The following INPP4B variants were observed in gnomAD, a reference collection of about 807,000 sequenced individuals.
INPP4B encodes inositol polyphosphate-4-phosphatase type II B, also known as inositol polyphosphate 4-phosphatase type II.
In INPP4B, 55 loss-of-function variants were observed where a neutral mutation model predicts 122.5. The ratio of observed to expected loss-of-function variants is 0.45; its 90% CI spans 0.36 to 0.56. The LOEUF (loss-of-function observed/expected upper bound fraction) is 0.56, where lower values mean the gene tolerates loss of function less well. Ranked by LOEUF, INPP4B falls within the 20% of genes least tolerant of loss-of-function variation. INPP4B has a pLI of 0.00. For synonymous variants in INPP4B, 403 were observed against 388.7 expected, an observed-to-expected ratio of 1.04 and a Z score of -0.43; for missense variants, 1,000 against 1,097.7, an observed-to-expected ratio of 0.91 and a Z score of 1.26.
chr4:142,680,936 A>G (rs187912652), intron 2 of INPP4B, among the ~76,000 whole-genome samples: 452 of 152,012 alleles, frequency 3.0e-3, no homozygotes, highest in Non-Finnish European at 5.5e-3. Context: ...TAAGCCAGAC[A>G]CTTTTTACAG....
intron 11 of INPP4B, among the ~76,000 whole-genome samples, chr4:142,239,397 C>T (rs776748981): frequency 3.9e-5 from 6 of 152,086 alleles, no homozygotes; most frequent in Non-Finnish European, 8.8e-5. Flanking sequence ...AGAGAAAATA[C>T]TGCATTTTAA....
At chr4:142,598,598 C>T (rs1275624664) in intron 2 of INPP4B, among the ~76,000 whole-genome samples, 1 of 152,148 alleles carries the variant, frequency 6.6e-6, no homozygotes, top group African/African-American at 2.4e-5. Context: ...TACTATTCCT[C>T]ATGGAAATGA....
rs925583309 is a variant in INPP4B, at chr4:142,735,444, C to T, written c.-253-9543G>A. 2.0e-5 allele frequency among the ~76,000 whole-genome samples: 3 copies of T among 152,080 alleles called. No individual in the cohort carries two copies. In the South Asian group the frequency reaches 6.2e-4, roughly 32 times the overall value. ...ATCCTTCAGTACTGCCAAACAGAAA[C>T]CAGGCATTGTTCTAAGTTACTGTCT... On this transcript the variant is annotated intron_variant, in intron 1 of 25. Coordinates refer to ENST00000262992, the MANE Select transcript of INPP4B (RefSeq NM_001101669.3).
chr4:142,553,721 CCT>C (rs1405927513), intron 2 of INPP4B, among the ~76,000 whole-genome samples: 1 of 152,192 alleles, frequency 6.6e-6, no homozygotes, highest in African/African-American at 2.4e-5. Flanking sequence ...AGTCCTACTT[CCT>C]TACTCCCCAT....
intron 7 of INPP4B, among the ~76,000 whole-genome samples, chr4:142,364,837 C>G (rs768175049): frequency 3.9e-5 from 6 of 152,070 alleles, no homozygotes; most frequent in Non-Finnish European, 7.4e-5. Context: ...AACTAGTGAG[C>G]CCGGGAGGCA....
chr4:142,258,522 C>A (rs1313656184), intron 11 of INPP4B, among the ~76,000 whole-genome samples: 2 of 151,984 alleles, frequency 1.3e-5, no homozygotes, highest in East Asian at 1.9e-4. Context: ...CAACAAACAA[C>A]CCCATCAAAA....
chr4:142,434,093 G>T (rs2149391815), intron 3 of INPP4B, among the ~76,000 whole-genome samples: 1 of 152,234 alleles, frequency 6.6e-6, no homozygotes, highest in East Asian at 1.9e-4. Flanking sequence ...CATCTATAGA[G>T]ACCGAGACGT....
At chr4:142,159,224 A>G (rs868085091) in intron 17 of INPP4B, among the ~76,000 whole-genome samples, 2 of 151,138 alleles carry the variant, frequency 1.3e-5, no homozygotes, top group African/African-American at 4.9e-5. Context: ...AGAAAATTGA[A>G]CTTCAGAGGT....
At chr4:142,601,581 C>CAA (rs200657551) in intron 2 of INPP4B, among the ~76,000 whole-genome samples, 19 of 93,914 alleles carry the variant, frequency 2.0e-4, no homozygotes, top group African/African-American at 6.1e-4. Flanking sequence ...ACTCCTATGT[C>CAA]AAAAAAAAAA....
chr4:142,080,793 T>G (rs1213372742), intron 25 of INPP4B, among the ~76,000 whole-genome samples: 1 of 152,206 alleles, frequency 6.6e-6, no homozygotes, highest in Non-Finnish European at 1.5e-5. Flanking sequence ...CATGCATTCC[T>G]GCATTTCTCA....
At chr4:142,418,402 C>T (rs1806199267) in intron 5 of INPP4B, among the ~76,000 whole-genome samples, 1 of 151,874 alleles carries the variant, frequency 6.6e-6, no homozygotes, top group Non-Finnish European at 1.5e-5. Context: ...CCAAATGTGC[C>T]CAATATGATT....
At chr4:142,067,579 T>G (rs1764274910) in intron 25 of INPP4B, among the ~76,000 whole-genome samples, 1 of 151,994 alleles carries the variant, frequency 6.6e-6, no homozygotes, top group Admixed American at 6.6e-5. Flanking sequence ...GCTAAAAACC[T>G]TGAAAAAAGA....
At chr4:142,502,174 C>T (rs570980900) in intron 2 of INPP4B, among the ~76,000 whole-genome samples, 15 of 152,258 alleles carry the variant, frequency 9.9e-5, no homozygotes, top group Admixed American at 6.5e-4. Flanking sequence ...CCAAACAGAT[C>T]CTCTGGTGTC....
Position 142,450,218 on chromosome 4 carries a change from T to A in INPP4B, c.-127+12445A>T, listed in dbSNP as rs139157110. Reference sequence around the variant, plus strand: ...CCTGGCAAGGACAGACCAAAGTACCTCTGGGGCTAAACAGAGCCAGTTCAT... The same window carrying A: ...CCTGGCAAGGACAGACCAAAGTACCACTGGGGCTAAACAGAGCCAGTTCAT... On this transcript the variant is annotated intron_variant, in intron 3 of 25. Coordinates refer to ENST00000262992, the MANE Select transcript of INPP4B (RefSeq NM_001101669.3). Among the ~76,000 whole-genome samples, 47 of 152,274 alleles carry A rather than the reference T, an allele frequency of 3.1e-4. 2 individuals carry two copies. In the East Asian group the frequency reaches 6.4e-3, roughly 21 times the overall value.
chr4:142,446,861 T>C (rs143788908), intron 3 of INPP4B, among the ~76,000 whole-genome samples: 1 of 152,286 alleles, frequency 6.6e-6, no homozygotes, highest in Admixed American at 6.5e-5. Context: ...ATTTTGCCAC[T>C]AAAAATAACC....
At chr4:142,358,165 A>T (rs1211674957) in intron 7 of INPP4B, among the ~76,000 whole-genome samples, 2 of 152,010 alleles carry the variant, frequency 1.3e-5, no homozygotes, top group African/African-American at 4.8e-5. Flanking sequence ...TTGAAATTTT[A>T]TACTAATATG....
intron 1 of INPP4B, among the ~76,000 whole-genome samples, chr4:142,819,632 T>G (rs958665547): frequency 3.3e-5 from 5 of 152,148 alleles, no homozygotes; most frequent in Non-Finnish European, 7.4e-5. Context: ...GAAAGGCATA[T>G]AGGAAATGTA....
chr4:142,623,405 G>A (rs1745430669), intron 2 of INPP4B, among the ~76,000 whole-genome samples: 1 of 151,936 alleles, frequency 6.6e-6, no homozygotes, highest in South Asian at 2.1e-4. Context: ...TGACACACAA[G>A]CTGACACCTT....
intron 2 of INPP4B, among the ~76,000 whole-genome samples, chr4:142,499,229 A>G (rs1213736051): frequency 6.6e-6 from 1 of 152,184 alleles, no homozygotes; most frequent in Non-Finnish European, 1.5e-5. Context: ...TTTTAATGCC[A>G]CTGGGGAACT....
Sources: allele counts gnomAD v4.1 joint callset (sites outside exome capture counted in the v4.1 genomes callset), GRCh38; gene constraint gnomAD v4.1.1; transcripts MANE v1.5; gene names NCBI Gene and HGNC (gene_info 2026-07-23, HGNC 2026-07-21).